COMMD10: variants seen among roughly 807,000 people sequenced by gnomAD.
COMMD10 encodes the protein COMM domain containing 10.
In COMMD10, 33 loss-of-function variants were observed where a neutral mutation model predicts 28.9. The observed-to-expected ratio is 1.14, with a 90% CI of 0.87 to 1.53. The LOEUF is 1.53. Among genes scored for constraint, COMMD10 ranks in the 40% most tolerant of loss-of-function variants. The pLI is 0.00. For missense variants in COMMD10, 310 were observed against 233.4 expected, an observed-to-expected ratio of 1.33 and a Z score of -2.14; for synonymous variants, 110 against 81.7, an observed-to-expected ratio of 1.35 and a Z score of -1.87.
chr5:116,086,221 C>G (rs917314760), intron 1 of COMMD10, among the ~76,000 whole-genome samples: 3 of 152,208 alleles, frequency 2.0e-5, no homozygotes, highest in Non-Finnish European at 2.9e-5. Flanking sequence ...AAGTGGGAAT[C>G]AGCTTTATGT....
At chr5:116,185,441 A>G (rs1748105812) in intron 5 of COMMD10, among the ~76,000 whole-genome samples, 1 of 152,142 alleles carries the variant, frequency 6.6e-6, no homozygotes, top group Non-Finnish European at 1.5e-5. Context: ...ATTACAAAAA[A>G]GCTTGAAAAA....
chr5:116,198,191 G>A (rs914594414), intron 5 of COMMD10, among the ~76,000 whole-genome samples: 1 of 152,070 alleles, frequency 6.6e-6, no homozygotes, highest in African/African-American at 2.4e-5. Context: ...TAATTTCTAA[G>A]TACATTTTGG....
At chr5:116,089,097 T>C (rs1750215048) in intron 2 of COMMD10, among the ~76,000 whole-genome samples, 1 of 152,222 alleles carries the variant, frequency 6.6e-6, no homozygotes, top group Non-Finnish European at 1.5e-5. Context: ...GAAACTGCAA[T>C]GATAGCGGCA....
At chr5:116,150,191 G>A (rs1752476294) in intron 5 of COMMD10, among the ~76,000 whole-genome samples, 1 of 152,180 alleles carries the variant, frequency 6.6e-6, no homozygotes, top group South Asian at 2.1e-4. Flanking sequence ...ACTTCTGAGG[G>A]CTCTGTTCTG....
intron 5 of COMMD10, among the ~76,000 whole-genome samples, chr5:116,154,787 AT>A (rs35133023): frequency 0.073 from 10,957 of 149,612 alleles, 710 homozygotes; most frequent in African/African-American, 0.18. Flanking sequence ...ATAGCCCTTC[AT>A]TTTTTTTTTT....
At chr5:116,156,446 T>G (rs951522653) in intron 5 of COMMD10, among the ~76,000 whole-genome samples, 7 of 152,192 alleles carry the variant, frequency 4.6e-5, no homozygotes, top group Admixed American at 4.6e-4. Flanking sequence ...ATTGATATCT[T>G]CATTTCCTTG....
At chr5:116,262,334 A>G (rs759929143) in intron 5 of COMMD10, among the ~76,000 whole-genome samples, 16 of 151,762 alleles carry the variant, frequency 1.1e-4, no homozygotes, top group Non-Finnish European at 1.0e-4. Flanking sequence ...TTGTGAACCA[A>G]TTTCTTCGTG....
chr5:116,280,533 G>A (rs1207454123), intron 5 of COMMD10, among the ~76,000 whole-genome samples: 2 of 151,732 alleles, frequency 1.3e-5, no homozygotes, highest in African/African-American at 2.4e-5. Flanking sequence ...ATCTTTCTTT[G>A]GTTAAACGTC....
chr5:116,215,752 TATA>T (rs1343883945), intron 5 of COMMD10, among the ~76,000 whole-genome samples: 32 of 147,072 alleles, frequency 2.2e-4, no homozygotes, highest in African/African-American at 6.4e-4. Flanking sequence ...TTCATATAAA[TATA>T]GTACTTTATT....
At chr5:116,155,169 C>T (rs2112558649) in intron 5 of COMMD10, among the ~76,000 whole-genome samples, 1 of 152,192 alleles carries the variant, frequency 6.6e-6, no homozygotes, top group Admixed American at 6.6e-5. Flanking sequence ...AGGGCTTACA[C>T]TTTTTCAGGG....
At chr5:116,123,039 C>A (rs1330169470) in intron 4 of COMMD10, among the ~76,000 whole-genome samples, 1 of 152,148 alleles carries the variant, frequency 6.6e-6, no homozygotes, top group Non-Finnish European at 1.5e-5. Context: ...TGAGAAAGGG[C>A]ATCCCTGTCT....
At chr5:116,206,088 A>G (rs1014935705) in intron 5 of COMMD10, among the ~76,000 whole-genome samples, 1 of 152,210 alleles carries the variant, frequency 6.6e-6, no homozygotes, top group Non-Finnish European at 1.5e-5. Flanking sequence ...CTGCTGAAAT[A>G]TCTTCAGATC....
At chr5:116,236,460 C>T (rs541066919) in intron 5 of COMMD10, among the ~76,000 whole-genome samples, 4 of 142,568 alleles carry the variant, frequency 2.8e-5, no homozygotes, top group South Asian at 2.2e-4. Flanking sequence ...GCCGAGATCA[C>T]ACTACTGCAC....
At chr5:116,278,100 A>G (rs977590309) in intron 5 of COMMD10, among the ~76,000 whole-genome samples, 12 of 151,762 alleles carry the variant, frequency 7.9e-5, no homozygotes, top group African/African-American at 2.7e-4. Context: ...TAATGTACCT[A>G]TTACAAATGA....
intron 5 of COMMD10, among the ~76,000 whole-genome samples, chr5:116,221,998 T>C (rs76717704): frequency 0.016 from 2,465 of 152,302 alleles, 74 homozygotes; most frequent in African/African-American, 0.057. Context: ...TCTTCTTTAG[T>C]TACCAGGAGT....
At position 116,104,389 on chromosome 5, in the gene COMMD10, A is replaced by C. The variant is rs567000766; in HGVS notation, c.399+11689A>C. Among the ~76,000 whole-genome samples the C allele has an allele frequency of 9.9e-5, 15 of 152,074 alleles. No individual in the cohort carries two copies. The South Asian group carries it at 2.9e-3, about 29-fold the overall frequency. On this transcript the variant is annotated intron_variant, in intron 4 of 6. Coordinates refer to ENST00000274458, the MANE Select transcript of COMMD10 (RefSeq NM_016144.4). Reference sequence around the variant, plus strand: ...TCCCTTGTAAGTTGGATTCCTAGGTATTGTATCCTTTTTGTAGCAATTGTG... The same window carrying C: ...TCCCTTGTAAGTTGGATTCCTAGGTCTTGTATCCTTTTTGTAGCAATTGTG...
intron 4 of COMMD10, among the ~76,000 whole-genome samples, chr5:116,112,064 T>G (rs1329994624): frequency 6.6e-6 from 1 of 152,204 alleles, no homozygotes; most frequent in East Asian, 1.9e-4. Context: ...CTTTCAAGTT[T>G]AGGACTCCTT....
At chr5:116,110,084 G>A (rs1457751952) in intron 4 of COMMD10, among the ~76,000 whole-genome samples, 1 of 152,124 alleles carries the variant, frequency 6.6e-6, no homozygotes, top group East Asian at 1.9e-4. Context: ...TCATGAAGGG[G>A]TACTGCATTT....
chr5:116,236,504 C>CAA lies in COMMD10; in HGVS notation c.511-54994_511-54993dup, dbSNP rs34066036. On this transcript the variant is annotated intron_variant, in intron 5 of 6. Coordinates refer to ENST00000274458, the MANE Select transcript of COMMD10 (RefSeq NM_016144.4). ...GGGTGACAAGAGCAAGACTCCGTCT[C>CAA]AAAAAAAAAAAAAAAAAAAAGAAGT... Among the ~76,000 whole-genome samples, 123 of 79,494 alleles carry CAA rather than the reference C, an allele frequency of 1.5e-3. 1 individual carries two copies. Among genetic ancestry groups the CAA allele is most frequent in the Middle Eastern group, 6.8e-3 (1 of 146 alleles). The allele number at this position is 79,494 out of a possible 152,430, so 52.2% of individuals were successfully genotyped here. A position where few individuals can be genotyped will look rare whatever the true frequency, so the allele number is the denominator to read the frequency against.
Sources: allele counts gnomAD v4.1 joint callset (sites outside exome capture counted in the v4.1 genomes callset), GRCh38; gene constraint gnomAD v4.1.1; transcripts MANE v1.5; gene names NCBI Gene and HGNC (gene_info 2026-07-23, HGNC 2026-07-21).